DCBLD1: variants seen among roughly 807,000 people sequenced by gnomAD.
DCBLD1 encodes the protein discoidin, CUB and LCCL domain containing 1.
DCBLD1 carries 57 observed loss-of-function variants against 71.5 expected under a neutral mutation model. The ratio of observed to expected loss-of-function variants is 0.80; its 90% CI spans 0.64 to 0.99. The LOEUF (loss-of-function observed/expected upper bound fraction) is 0.99, where lower values mean the gene tolerates loss of function less well. Ranked by LOEUF, DCBLD1 falls within the 50% of genes least tolerant of loss-of-function variation. The pLI is 0.00. For missense variants in DCBLD1, 891 were observed against 923.5 expected, an observed-to-expected ratio of 0.96 and a Z score of 0.46; for synonymous variants, 380 against 363.8, an observed-to-expected ratio of 1.04 and a Z score of -0.51.
intron 2 of DCBLD1, among the ~76,000 whole-genome samples, chr6:117,510,376 C>T (rs1283442270): frequency 1.3e-5 from 2 of 151,736 alleles, no homozygotes; most frequent in African/African-American, 4.9e-5. Context: ...CACACACACA[C>T]ACACACGTAA....
At chr6:117,524,965 CTTCT>C (rs1453504890) in intron 4 of DCBLD1, among the ~76,000 whole-genome samples, 1 of 152,046 alleles carries the variant, frequency 6.6e-6, no homozygotes, top group African/African-American at 2.4e-5. Flanking sequence ...TAGGGATATT[CTTCT>C]TTGTCTTTTT....
At chr6:117,536,533 G>T (rs1257460547) in intron 6 of DCBLD1, among the ~76,000 whole-genome samples, 1 of 152,206 alleles carries the variant, frequency 6.6e-6, no homozygotes, top group Non-Finnish European at 1.5e-5. Flanking sequence ...CGGCAGTAAG[G>T]CCAGCTCACT....
In DCBLD1 at chr6:117,511,226, C is replaced by G. The variant is rs140619542; in HGVS notation, c.325+7247C>G. Among the ~76,000 whole-genome samples, 346 of 152,322 alleles carry G rather than the reference C, an allele frequency of 2.3e-3. 1 individual carries two copies. The highest frequency in any genetic ancestry group is 3.4e-3 in the Non-Finnish European group (232 of 68,036). ...GGAAGAAATGGAAACTTCTCCAGGC[C>G]TCTCCACAGGAGTATCCGGAGAATA... On this transcript the variant is annotated intron_variant, in intron 2 of 14. Transcript: ENST00000338728.
intron 14 of DCBLD1, among the ~76,000 whole-genome samples, chr6:117,559,321 G>A (rs1779539889): frequency 6.6e-6 from 1 of 152,230 alleles, no homozygotes; most frequent in Admixed American, 6.5e-5. Context: ...TCACAATGGA[G>A]TTAAGACCCA....
chr6:117,512,383 T>A (rs1412633106), intron 2 of DCBLD1, among the ~76,000 whole-genome samples: 3 of 152,210 alleles, frequency 2.0e-5, no homozygotes, highest in African/African-American at 7.2e-5. Context: ...AATGGCACAG[T>A]CCAGGAATAT....
At chr6:117,533,153 T>G (rs970305242) in intron 6 of DCBLD1, among the ~76,000 whole-genome samples, 2 of 152,194 alleles carry the variant, frequency 1.3e-5, no homozygotes, top group Admixed American at 6.5e-5. Context: ...ACTGTATTTC[T>G]CTCTCTCATT....
chr6:117,485,040 G>A (rs1777039841), intron 1 of DCBLD1: 1 of 152,090 alleles, frequency 6.6e-6, no homozygotes, highest in African/African-American at 2.4e-5. Context: ...TTTAACTAAA[G>A]GTACATATTT....
At chr6:117,524,237 G>A (rs991845089) in intron 4 of DCBLD1, among the ~76,000 whole-genome samples, 1 of 149,966 alleles carries the variant, frequency 6.7e-6, no homozygotes, top group African/African-American at 2.5e-5. Flanking sequence ...TTTGCTCTTG[G>A]TCCCCAGGCT....
chr6:117,548,078 CG>C lies in DCBLD1; in HGVS notation c.1789del (p.Glu597SerfsTer46). On this transcript the variant is annotated frameshift_variant, in exon 15 of 15. Coordinates refer to ENST00000338728, the MANE Select transcript of DCBLD1 (RefSeq NM_001366458.2). LOFTEE classifies it low-confidence loss of function (END_TRUNC). ...RHEYALPLAP[P>X]EPEYATPIVE... is the part of the protein sequence containing the mutation. ...GAGTACGCGCTGCCCCTGGCGCCCC[CG>C]GAGCCCGAGTACGCCACGCCCATCG... 6.5e-7 allele frequency: 1 copy of C among 1,549,000 alleles called. No individual in the cohort carries two copies. The highest frequency in any genetic ancestry group is 1.2e-5 in the South Asian group (1 of 83,964).
chr6:117,553,711 G>A (rs1208472651), downstream of DCBLD1, among the ~76,000 whole-genome samples: 1 of 152,036 alleles, frequency 6.6e-6, no homozygotes, highest in African/African-American at 2.4e-5. Flanking sequence ...ATCCTTTCAG[G>A]GGATTTTAAA....
intron 2 of DCBLD1, among the ~76,000 whole-genome samples, chr6:117,515,194 T>G (rs1343892830): frequency 6.6e-6 from 1 of 152,042 alleles, no homozygotes; most frequent in Non-Finnish European, 1.5e-5. Flanking sequence ...TAATTTTTTT[T>G]GTATTTTTAG....
intron 1 of DCBLD1, among the ~76,000 whole-genome samples, chr6:117,495,941 T>C (rs1777454049): frequency 6.6e-6 from 1 of 152,238 alleles, no homozygotes; most frequent in African/African-American, 2.4e-5. Flanking sequence ...GAATCGTAGA[T>C]AGGATCTCTT....
intron 1 of DCBLD1, among the ~76,000 whole-genome samples, chr6:117,495,175 T>C (rs911680497): frequency 2.8e-5 from 4 of 145,336 alleles, no homozygotes; most frequent in African/African-American, 1.0e-4. Context: ...TTAGACTTTC[T>C]CAGCCGATTA....
intron 7 of DCBLD1, 68 bp downstream of exon 7, chr6:117,537,293 G>A: frequency 2.1e-6 from 3 of 1,456,676 alleles, no homozygotes; most frequent in Non-Finnish European, 2.9e-6. Flanking sequence ...CCAGCACTTT[G>A]GGAGGCCGAG....
intron 5 of DCBLD1, among the ~76,000 whole-genome samples, chr6:117,527,919 T>G (rs1447034683): frequency 6.6e-6 from 1 of 152,224 alleles, no homozygotes; most frequent in African/African-American, 2.4e-5. Flanking sequence ...GGGCTTCTCT[T>G]AAGATCTGCC....
downstream of DCBLD1, among the ~76,000 whole-genome samples, chr6:117,554,014 A>C (rs1482355760): frequency 6.6e-6 from 1 of 152,230 alleles, no homozygotes; most frequent in Non-Finnish European, 1.5e-5. Flanking sequence ...ATTAATGTAC[A>C]TAAAACCCTT....
chr6:117,540,542 T>G, intron 9 of DCBLD1, 126 bp from the exon 10 acceptor site: 1 of 1,122,778 alleles, frequency 8.9e-7, no homozygotes, highest in Admixed American at 2.4e-5. Context: ...ATATCAAGAG[T>G]GTCTAGAAAA....
intron 14 of DCBLD1, among the ~76,000 whole-genome samples, chr6:117,567,548 A>AT (rs1451255931): frequency 6.6e-6 from 1 of 152,130 alleles, no homozygotes; most frequent in African/African-American, 2.4e-5. Context: ...CTACAAAATG[A>AT]TTTTTTGTTT....
intron 14 of DCBLD1, chr6:117,566,780 A>T (rs907661943): frequency 3.1e-5 from 29 of 938,908 alleles, no homozygotes; most frequent in Non-Finnish European, 4.1e-5. Context: ...TACTGAAGAA[A>T]TTCTGAGGCC....
Sources: gnomAD v4.1 joint callset for allele counts (sites outside exome capture counted in the v4.1 genomes callset) on GRCh38, gnomAD v4.1.1 for gene constraint, MANE v1.5 for transcripts, NCBI Gene and HGNC (gene_info 2026-07-23, HGNC 2026-07-21) for gene names.